Variants in ZGRF1 observed in about 807,000 individuals in gnomAD.
ZGRF1 encodes the protein zinc finger GRF-type containing 1, also known as 5'-3' DNA helicase ZGRF1.
Under a neutral mutation model 203.5 loss-of-function variants are expected in ZGRF1, and 196 were observed. The ratio of observed to expected loss-of-function variants is 0.96; its 90% CI spans 0.86 to 1.08. The LOEUF is 1.08. Ranked by LOEUF, ZGRF1 falls within the 50% of genes least tolerant of loss-of-function variation. The pLI, the probability that ZGRF1 is intolerant of heterozygous loss-of-function variation, is 0.00. For missense variants in ZGRF1, 2,326 were observed against 2,416.3 expected, an observed-to-expected ratio of 0.96 and a Z score of 0.78; for synonymous variants, 809 against 841.3, an observed-to-expected ratio of 0.96 and a Z score of 0.66.
intron 10 of ZGRF1, among the ~76,000 whole-genome samples, chr4:112,591,532 TA>T (rs1029233382): frequency 6.6e-6 from 1 of 152,190 alleles, no homozygotes; most frequent in African/African-American, 2.4e-5. Flanking sequence ...TACAAAGTCC[TA>T]TGCAGCCCTA....
In ZGRF1 at chr4:112,617,560, T is replaced by C; in HGVS notation, c.2482A>G (p.Ile828Val). 1.2e-6 allele frequency: 2 copies of C among 1,613,688 alleles called. No homozygotes were observed. Among genetic ancestry groups the C allele is most frequent in the African/African-American group, 1.3e-5 (1 of 75,018 alleles). ...ELSGLVNTIS[I>V]LKSLCEHSTA... is the part of the protein sequence containing the mutation. ...CTGTGTTCACATAGCGACTTTAAAA[T>C]AGAAATGGTATTTACTAATCCAGAA... Residue 828 changes from isoleucine to valine, a missense_variant, in exon 6 of 28, where the codon ATT becomes GTT. Ile to Val is a conservative substitution (Grantham distance 29, BLOSUM62 3). Coordinates refer to ENST00000505019, the MANE Select transcript of ZGRF1 (RefSeq NM_018392.5).
chr4:112,555,591 A>G (rs1396230895), intron 20 of ZGRF1, among the ~76,000 whole-genome samples: 1 of 152,230 alleles, frequency 6.6e-6, no homozygotes, highest in East Asian at 1.9e-4. Context: ...ATACTAGTTT[A>G]CAATTTTTTT....
chr4:112,636,010 C>T (rs1314270579), intron 1 of ZGRF1, among the ~76,000 whole-genome samples: 5 of 151,462 alleles, frequency 3.3e-5, no homozygotes, highest in Non-Finnish European at 7.4e-5. Context: ...TTTAGAAGAG[C>T]TCTAATACTT....
chr4:112,628,379 G>C (rs1027658109), intron 3 of ZGRF1, among the ~76,000 whole-genome samples: 2 of 152,208 alleles, frequency 1.3e-5, no homozygotes, highest in Non-Finnish European at 2.9e-5. Flanking sequence ...AGCCAGAATT[G>C]AAACTGAGGT....
intron 6 of ZGRF1, among the ~76,000 whole-genome samples, chr4:112,614,348 A>G (rs146591646): frequency 6.6e-6 from 1 of 152,350 alleles, no homozygotes; most frequent in South Asian, 2.1e-4. Flanking sequence ...AGTATTTGCT[A>G]TACTTTCATG....
chr4:112,628,917 AGTTT>A (rs2047321113), intron 3 of ZGRF1: 1 of 382,654 alleles, frequency 2.6e-6, no homozygotes, highest in Non-Finnish European at 5.0e-6. Context: ...TGAATGAATT[AGTTT>A]ATGTATTTAA....
chr4:112,542,473 T>A (rs766230680), intron 24 of ZGRF1, among the ~76,000 whole-genome samples: 2 of 152,190 alleles, frequency 1.3e-5, no homozygotes, highest in African/African-American at 2.4e-5. Flanking sequence ...GTTTCAACTA[T>A]GTACAAATAC....
At chr4:112,619,930 T>C (rs1243921052) in intron 5 of ZGRF1, 72 bp downstream of exon 5, 1 of 1,289,422 alleles carries the variant, frequency 7.8e-7, no homozygotes, top group African/African-American at 1.5e-5. Context: ...TACAATAACT[T>C]CAAAATTCAC....
chr4:112,581,250 G>C (rs1198413208), intron 16 of ZGRF1, among the ~76,000 whole-genome samples: 1 of 139,858 alleles, frequency 7.2e-6, no homozygotes, highest in Admixed American at 7.6e-5. Context: ...GACACAGGAA[G>C]GGGAACATCA....
intron 16 of ZGRF1, among the ~76,000 whole-genome samples, chr4:112,568,246 G>GT (rs1224748706): frequency 6.6e-6 from 1 of 151,880 alleles, no homozygotes; most frequent in Non-Finnish European, 1.5e-5. Flanking sequence ...TTTCCCAGAA[G>GT]TAAAAAAAAG....
At chr4:112,579,894 A>C (rs1483879381) in intron 16 of ZGRF1, among the ~76,000 whole-genome samples, 2 of 122,672 alleles carry the variant, frequency 1.6e-5, no homozygotes, top group African/African-American at 5.7e-5. Context: ...GCTACCAATG[A>C]CTTTCTTCAC....
At chr4:112,614,805 CAACAGAGCG>C (rs1560860509) in intron 6 of ZGRF1, among the ~76,000 whole-genome samples, 1 of 151,098 alleles carries the variant, frequency 6.6e-6, no homozygotes, top group African/African-American at 2.4e-5. Flanking sequence ...CCAGCCTGGG[CAACAGAGCG>C]AGACTCTGTG....
At chr4:112,559,705 G>A (rs948420176) in intron 19 of ZGRF1, among the ~76,000 whole-genome samples, 4 of 152,178 alleles carry the variant, frequency 2.6e-5, no homozygotes, top group Non-Finnish European at 5.9e-5. Flanking sequence ...TGAGGTGAAT[G>A]CTATTATGAT....
chr4:112,604,302 G>A (rs4547855), intron 9 of ZGRF1, among the ~76,000 whole-genome samples: 59,566 of 151,554 alleles, frequency 0.39, 11,947 homozygotes, highest in South Asian at 0.49. Context: ...GCATAAAGAT[G>A]AGTATAATAA....
chr4:112,583,349 C>T (rs988462287), intron 15 of ZGRF1, among the ~76,000 whole-genome samples: 1 of 152,186 alleles, frequency 6.6e-6, no homozygotes, highest in Non-Finnish European at 1.5e-5. Flanking sequence ...TTATGCCACA[C>T]TGCTAAAAAT....
chr4:112,565,037 C>G, intron 16 of ZGRF1: 1 of 1,068,812 alleles, frequency 9.4e-7, no homozygotes, highest in Non-Finnish European at 1.5e-6. Context: ...GGTAAACCAC[C>G]CAGGAAGCAA....
chr4:112,561,865 T>G (rs1389089701), intron 18 of ZGRF1, among the ~76,000 whole-genome samples: 1 of 148,976 alleles, frequency 6.7e-6, no homozygotes, highest in Non-Finnish European at 1.5e-5. Flanking sequence ...ATTTATTAGC[T>G]CAAACCTTAA....
At chr4:112,552,288 A>G (rs908123684) in intron 22 of ZGRF1, among the ~76,000 whole-genome samples, 3 of 151,984 alleles carry the variant, frequency 2.0e-5, no homozygotes, top group African/African-American at 7.3e-5. Flanking sequence ...AAAAAAAAAA[A>G]AAAGAAAGAA....
intron 10 of ZGRF1, among the ~76,000 whole-genome samples, chr4:112,597,436 T>C (rs1221358799): frequency 7.0e-6 from 1 of 143,100 alleles, no homozygotes. Context: ...AGGCAGGAGG[T>C]TGGCTTGGGC....
Sources: gnomAD v4.1 joint callset for allele counts (sites outside exome capture counted in the v4.1 genomes callset) on GRCh38, gnomAD v4.1.1 for gene constraint, MANE v1.5 for transcripts, NCBI Gene and HGNC (gene_info 2026-07-23, HGNC 2026-07-21) for gene names.